APOLD1: variants seen among roughly 807,000 people sequenced by gnomAD.
APOLD1 encodes the protein apolipoprotein L domain containing 1.
APOLD1 carries 22 observed loss-of-function variants against 15.3 expected under a neutral mutation model. The ratio of observed to expected loss-of-function variants is 1.44; its 90% CI spans 1.03 to 2.05. APOLD1 has a LOEUF of 2.05. APOLD1 is among the 30% of genes most tolerant of loss of function. APOLD1 has a pLI of 0.00. For synonymous variants in APOLD1, 190 were observed against 167.4 expected (o/e 1.13, Z -1.04); for missense variants, 394 against 353.5 (o/e 1.11, Z -0.92).
chr12:12,781,238 T>A (rs1433880203), upstream of APOLD1, among the ~76,000 whole-genome samples: 4 of 151,874 alleles, frequency 2.6e-5, no homozygotes, highest in East Asian at 5.9e-4. Context: ...AGGTCAGGAG[T>A]TCAAGACCAG....
chr12:12,767,568 T>G (rs1946951250), intron 1 of APOLD1, among the ~76,000 whole-genome samples: 2 of 151,174 alleles, frequency 1.3e-5, no homozygotes, highest in African/African-American at 4.9e-5. Context: ...AGCTGAAGCA[T>G]GAGAATTGCT....
At chr12:12,763,661 T>C (rs1438706791) in intron 1 of APOLD1, among the ~76,000 whole-genome samples, 4 of 152,196 alleles carry the variant, frequency 2.6e-5, no homozygotes, top group Admixed American at 1.3e-4. Context: ...ATAGGTTATA[T>C]GCAAACGCTA....
At chr12:12,782,015 T>C (rs1431867650), upstream of APOLD1, among the ~76,000 whole-genome samples, 2 of 151,262 alleles carry the variant, frequency 1.3e-5, no homozygotes, top group Non-Finnish European at 2.9e-5. Context: ...TCCTAGCACT[T>C]TGGGAGGCCG....
At chr12:12,756,585 G>T (rs1565431392) in intron 1 of APOLD1, among the ~76,000 whole-genome samples, 1 of 151,720 alleles carries the variant, frequency 6.6e-6, no homozygotes, top group East Asian at 1.9e-4. Flanking sequence ...ATTTCTCATT[G>T]TTGTGCAACC....
At chr12:12,750,780 T>TG (rs1946807339) in intron 1 of APOLD1, among the ~76,000 whole-genome samples, 1 of 151,278 alleles carries the variant, frequency 6.6e-6, no homozygotes, top group South Asian at 2.1e-4. Flanking sequence ...AACCTTTTTT[T>TG]TTTGTTTGTT....
exon 1 of APOLD1, chr12:12,725,945 G>A (rs1946587083): frequency 2.2e-6 from 3 of 1,370,162 alleles, no homozygotes; most frequent in Non-Finnish European, 2.9e-6. Flanking sequence ...GGTGCGCGGG[G>A]CGGTCAGCGA....
intron 1 of APOLD1, among the ~76,000 whole-genome samples, chr12:12,748,759 G>T (rs558243453): frequency 6.6e-6 from 1 of 152,270 alleles, no homozygotes; most frequent in African/African-American, 2.4e-5. Flanking sequence ...TTACTAGGCA[G>T]AAGTTCACTT....
chr12:12,767,470 T>G (rs1214693931), intron 1 of APOLD1, among the ~76,000 whole-genome samples: 1 of 152,126 alleles, frequency 6.6e-6, no homozygotes, highest in Non-Finnish European at 1.5e-5. Flanking sequence ...GAAAGTAGCC[T>G]GGCCAATGGG....
intron 1 of APOLD1, among the ~76,000 whole-genome samples, chr12:12,731,335 T>C (rs909693590): frequency 2.0e-5 from 3 of 152,216 alleles, no homozygotes; most frequent in Non-Finnish European, 2.9e-5. Flanking sequence ...GAATTAGATA[T>C]GCAAAAACAG....
intron 1 of APOLD1, among the ~76,000 whole-genome samples, chr12:12,770,670 A>C (rs1565435059): frequency 6.6e-6 from 1 of 151,808 alleles, no homozygotes; most frequent in Non-Finnish European, 1.5e-5. Flanking sequence ...GAAGAAAGAG[A>C]ATACAGAATA....
chr12:12,781,167 G>T (rs1947076756), upstream of APOLD1, among the ~76,000 whole-genome samples: 1 of 152,116 alleles, frequency 6.6e-6, no homozygotes, highest in South Asian at 2.1e-4. Flanking sequence ...GAGAGGCTAG[G>T]CACTGTGGCT....
In APOLD1 at chr12:12,740,516, C is replaced by G. The variant is rs767514112; in HGVS notation, c.96+14420C>G. Among the ~76,000 whole-genome samples, 73 of 152,206 alleles carry G rather than the reference C, an allele frequency of 4.8e-4. 1 individual carries two copies. The highest frequency in any genetic ancestry group is 5.3e-4 in the Non-Finnish European group (36 of 68,044). ...ACCTTCCTTTTCTGCATTGTCCTAA[C>G]CTTTAGGAAATCTGAACCCCAGTAG... On this transcript the variant is annotated intron_variant, in intron 1 of 1. Coordinates refer to the APOLD1 transcript ENST00000326765.
chr12:12,730,684 A>G (rs1179934802), intron 1 of APOLD1, among the ~76,000 whole-genome samples: 1 of 122,344 alleles, frequency 8.2e-6, no homozygotes, highest in Non-Finnish European at 1.6e-5. Flanking sequence ...TTCCTCTAAA[A>G]AAAAAAAAAA....
intron 1 of APOLD1, among the ~76,000 whole-genome samples, chr12:12,756,380 T>C (rs1284172076): frequency 6.6e-6 from 1 of 152,240 alleles, no homozygotes; most frequent in East Asian, 1.9e-4. Flanking sequence ...CGCTGGCACC[T>C]TTTAAGGATA....
chr12:12,759,066 A>T (rs756797420), intron 1 of APOLD1, among the ~76,000 whole-genome samples: 9 of 152,016 alleles, frequency 5.9e-5, no homozygotes, highest in Non-Finnish European at 1.3e-4. Flanking sequence ...CAAAAGGAGG[A>T]CTCACATCCT....
intron 1 of APOLD1, among the ~76,000 whole-genome samples, chr12:12,744,485 T>C (rs1366936937): frequency 1.3e-5 from 2 of 152,084 alleles, no homozygotes; most frequent in East Asian, 3.9e-4. Context: ...GGTGCACACC[T>C]GTAATCCCAG....
At chr12:12,738,543 G>A (rs779646729) in intron 1 of APOLD1, among the ~76,000 whole-genome samples, 2 of 152,164 alleles carry the variant, frequency 1.3e-5, no homozygotes, top group South Asian at 2.1e-4. Context: ...ATCTTAAAAC[G>A]GTGTCCTTTT....
At chr12:12,786,734 G>C in intron 1 of APOLD1, 175 bp from the exon 2 acceptor site, 1 of 985,402 alleles carries the variant, frequency 1.0e-6, no homozygotes, top group South Asian at 4.7e-5. Context: ...CCGGATTCCA[G>C]AACAGGTCTT....
rs576050415 is a variant in APOLD1 at position 12,737,492 on chromosome 12, T to C, written c.96+11396T>C. Among the ~76,000 whole-genome samples, 4 of 152,358 alleles carry C rather than the reference T, an allele frequency of 2.6e-5. No individual in the cohort carries two copies. In the South Asian group the frequency reaches 8.3e-4, roughly 32 times the overall value. On this transcript the variant is annotated intron_variant, in intron 1 of 1. Coordinates refer to the APOLD1 transcript ENST00000326765. The stretch of plus-strand genomic sequence containing the variant: ...ATCTTTAGGAAAAGTATTAGTCTTT[T>C]ATATTTCTCGAACATAATAGCTTTA...
Sources: gnomAD v4.1 joint callset for allele counts (sites outside exome capture counted in the v4.1 genomes callset) on GRCh38, gnomAD v4.1.1 for gene constraint, MANE v1.5 for transcripts, NCBI Gene and HGNC (gene_info 2026-07-23, HGNC 2026-07-21) for gene names.